SKAP2: variants seen among roughly 807,000 people sequenced by gnomAD.
The protein encoded by SKAP2 is src kinase associated phosphoprotein 2, also known as src kinase-associated phosphoprotein 2.
A neutral mutation model predicts 54.9 loss-of-function variants in SKAP2; 28 were observed. The ratio of observed to expected loss-of-function variants is 0.51; its 90% CI spans 0.38 to 0.70. SKAP2 has a LOEUF of 0.70. SKAP2 is among the 30% of genes least tolerant of loss of function. The pLI is 0.00. For missense variants in SKAP2, 356 were observed against 424.1 expected (o/e 0.84, Z 1.41); for synonymous variants, 137 against 134.3 (o/e 1.02, Z -0.14).
At chr7:26,854,542 TAAAC>T (rs1011070693) in intron 2 of SKAP2, among the ~76,000 whole-genome samples, 4 of 152,024 alleles carry the variant, frequency 2.6e-5, no homozygotes, top group Non-Finnish European at 4.4e-5. Context: ...ATAATCAAAA[TAAAC>T]AGCTGAACTC....
At chr7:26,702,546 C>T (rs1260896205) in intron 9 of SKAP2, among the ~76,000 whole-genome samples, 1 of 152,124 alleles carries the variant, frequency 6.6e-6, no homozygotes, top group Non-Finnish European at 1.5e-5. Flanking sequence ...GTCAGTTCTT[C>T]TTGTTTGAAG....
intron 4 of SKAP2, among the ~76,000 whole-genome samples, chr7:26,787,260 T>C (rs1783569294): frequency 6.6e-6 from 1 of 152,090 alleles, no homozygotes; most frequent in African/African-American, 2.4e-5. Flanking sequence ...TGGCTTACGG[T>C]TCCGCAGGCT....
intron 3 of SKAP2, among the ~76,000 whole-genome samples, chr7:26,848,626 G>A (rs1018338000): frequency 3.3e-5 from 5 of 152,124 alleles, no homozygotes; most frequent in African/African-American, 9.7e-5. Flanking sequence ...TAAAATCTGA[G>A]TGATAACCAT....
chr7:26,748,420 T>C (rs572330692), intron 4 of SKAP2, among the ~76,000 whole-genome samples: 4 of 152,258 alleles, frequency 2.6e-5, no homozygotes, highest in Admixed American at 6.5e-5. Context: ...GGTTTTACTT[T>C]AGAGACAAGA....
chr7:26,677,005 G>T (rs939583715), intron 11 of SKAP2, among the ~76,000 whole-genome samples: 2 of 152,200 alleles, frequency 1.3e-5, no homozygotes, highest in African/African-American at 4.8e-5. Context: ...CGAAGATAAG[G>T]GAAAAGTGGT....
intron 4 of SKAP2, among the ~76,000 whole-genome samples, chr7:26,839,502 T>A (rs1179043123): frequency 6.6e-6 from 1 of 152,098 alleles, no homozygotes; most frequent in East Asian, 1.9e-4. Flanking sequence ...AATTGCAAAT[T>A]AATTGAATTT....
chr7:26,740,395 G>A (rs914155655), intron 4 of SKAP2, among the ~76,000 whole-genome samples: 8 of 151,902 alleles, frequency 5.3e-5, no homozygotes, highest in South Asian at 2.1e-4. Flanking sequence ...ATGCTTTTCC[G>A]AATCAAATGC....
chr7:26,722,763 C>CA (rs2127954767), intron 9 of SKAP2, among the ~76,000 whole-genome samples: 1 of 152,096 alleles, frequency 6.6e-6, no homozygotes, highest in East Asian at 1.9e-4. Flanking sequence ...CAAAACACTG[C>CA]AGGTTTATTT....
At chr7:26,841,608 T>A (rs1240044309) in intron 4 of SKAP2, among the ~76,000 whole-genome samples, 3 of 151,916 alleles carry the variant, frequency 2.0e-5, no homozygotes, top group Non-Finnish European at 4.4e-5. Flanking sequence ...CACATATGGC[T>A]TGGGGGAATA....
intron 4 of SKAP2, among the ~76,000 whole-genome samples, chr7:26,748,492 A>T (rs115655747): frequency 0.016 from 2,428 of 152,170 alleles, 63 homozygotes; most frequent in African/African-American, 0.055. Context: ...TAGTAAAGGG[A>T]TCTTTAGATT....
chr7:26,805,630 G>A (rs1784010524), intron 4 of SKAP2, among the ~76,000 whole-genome samples: 1 of 152,216 alleles, frequency 6.6e-6, no homozygotes, highest in African/African-American at 2.4e-5. Flanking sequence ...ACAACAGTCA[G>A]CACCAACTTG....
chr7:26,857,141 G>T (rs1188175719), intron 1 of SKAP2, among the ~76,000 whole-genome samples: 1 of 133,730 alleles, frequency 7.5e-6, no homozygotes, highest in Non-Finnish European at 1.6e-5. Context: ...GAAATTCAGA[G>T]ATTGGGTATG....
In SKAP2 at chr7:26,726,782, T is replaced by C. The variant is rs978721093; in HGVS notation, c.594+100A>G. ...TTAAACATCAGTATTTTTATTATTG[T>C]TAACATGTCAAGGAAAGTATTAATC... On this transcript the variant is annotated intron_variant, in intron 7 of 12. Coordinates refer to ENST00000345317, the MANE Select transcript of SKAP2 (RefSeq NM_003930.5). 9.4e-6 allele frequency: 9 copies of C among 956,592 alleles called. No homozygotes were observed. In the African/African-American group the frequency reaches 1.2e-4, roughly 13 times the overall value. The allele number at this position is 956,592 out of a possible 1,614,324, so 59.3% of individuals were successfully genotyped here.
chr7:26,674,025 G>A (rs532769630), intron 11 of SKAP2, among the ~76,000 whole-genome samples: 2 of 152,030 alleles, frequency 1.3e-5, no homozygotes, highest in Admixed American at 1.3e-4. Flanking sequence ...ATGTTAATCC[G>A]CTTTCTGCGA....
intron 4 of SKAP2, among the ~76,000 whole-genome samples, chr7:26,780,869 T>A (rs1783410759): frequency 6.6e-6 from 1 of 152,116 alleles, no homozygotes; most frequent in Non-Finnish European, 1.5e-5. Flanking sequence ...CAGTCCAACA[T>A]ACTACATAAA....
intron 4 of SKAP2, among the ~76,000 whole-genome samples, chr7:26,832,729 A>G (rs533360332): frequency 6.6e-6 from 1 of 152,330 alleles, no homozygotes; most frequent in South Asian, 2.1e-4. Context: ...TTTTTGAGTA[A>G]TTCCTTGCAA....
At chr7:26,701,650 G>A (rs947107745) in intron 9 of SKAP2, among the ~76,000 whole-genome samples, 13 of 152,040 alleles carry the variant, frequency 8.6e-5, no homozygotes, top group South Asian at 2.1e-4. Context: ...GCTTGAACCC[G>A]GGAGGTGGAG....
intron 4 of SKAP2, among the ~76,000 whole-genome samples, chr7:26,778,573 T>C (rs1783361935): frequency 6.6e-6 from 1 of 151,992 alleles, no homozygotes; most frequent in Non-Finnish European, 1.5e-5. Context: ...CTGTGAAGAG[T>C]ACAGCACATT....
Position 26,690,271 on chromosome 7 carries a change from A to T in SKAP2, c.874+14T>A, listed in dbSNP as rs765846243. On this transcript the variant is annotated intron_variant, in intron 10 of 12. Transcript: ENST00000345317. ...GCAAAATAAGGTTTGCCAAGAAGCT[A>T]CACAAGTCATTACCTGAGGTGTGAT... The T allele has an allele frequency of 5.7e-6, 9 of 1,567,682 alleles. No individual in the cohort carries two copies. In the African/African-American group the frequency reaches 1.1e-4, roughly 19 times the overall value.
Sources: allele counts gnomAD v4.1 joint callset (sites outside exome capture counted in the v4.1 genomes callset), GRCh38; gene constraint gnomAD v4.1.1; transcripts MANE v1.5; gene names NCBI Gene and HGNC (gene_info 2026-07-23, HGNC 2026-07-21).